Variants in MED24 observed in about 807,000 individuals in gnomAD.
MED24 encodes mediator of RNA polymerase II transcription subunit 24.
Under a neutral mutation model 118.8 loss-of-function variants are expected in MED24, and 74 were observed. The ratio of observed to expected loss-of-function variants is 0.62; its 90% CI spans 0.52 to 0.76. MED24 has a LOEUF of 0.76. MED24 is among the 30% of genes least tolerant of loss of function. The pLI is 0.00. For missense variants in MED24, 1,041 were observed against 1,278.9 expected (o/e 0.81, Z 2.84); for synonymous variants, 521 against 523.9 (o/e 0.99, Z 0.08).
chr17:40,022,005 A>C lies in MED24; in HGVS notation c.2573T>G (p.Met858Arg). The C allele has an allele frequency of 6.2e-7, 1 of 1,611,992 alleles. No homozygotes were observed. Among genetic ancestry groups the C allele is most frequent in the African/African-American group, 1.3e-5 (1 of 74,948 alleles). The change falls in exon 23 of 26, where the codon ATG (methionine) becomes AGG (arginine). Residue 858 changes from methionine (M) to arginine (R), a missense_variant. This residue lies in a region of MED24 where 587 missense variants were observed against 694.4 expected (regional missense o/e 0.85). Coordinates refer to ENST00000394128, the MANE Select transcript of MED24 (RefSeq NM_014815.4). ...PLDDVQPSKL[M>R]RLLSSNEDDA... ...GTCCTCATTAGAGCTCAGCAGTCGCATCAACTTCGAAGGCTGCACATCGTC... is the reference window on the plus strand; with the variant it reads ...GTCCTCATTAGAGCTCAGCAGTCGCCTCAACTTCGAAGGCTGCACATCGTC...
chr17:40,041,317 C>A (rs545751486), intron 3 of MED24, among the ~76,000 whole-genome samples: 1 of 152,274 alleles, frequency 6.6e-6, no homozygotes, highest in Admixed American at 6.5e-5. Flanking sequence ...TACTCTCTGG[C>A]CCCTTCTCTT....
chr17:40,022,965 C>T, intron 20 of MED24, 139 bp from the exon 21 acceptor site: 1 of 1,343,264 alleles, frequency 7.4e-7, no homozygotes, highest in African/African-American at 1.5e-5. Context: ...AGGCTGAATC[C>T]CAGTCTCTGG....
chr17:40,023,273 G>T lies in MED24; in HGVS notation c.2108C>A (p.Pro703His), dbSNP rs780526993. The T allele has an allele frequency of 1.2e-6, 2 of 1,614,010 alleles. No homozygotes were observed. The highest frequency in any genetic ancestry group is 1.3e-5 in the African/African-American group (1 of 74,906). ...CAGCACCTCTTTGATGGGCCGCTTG[G>T]GGGGCAGCAGGTTCCAGTAGGGCAT... ...DTMPYWNLLP[P>H]KRPIKEVLTD... The change falls in exon 20 of 26, where the codon CCC becomes CAC. Residue 703 changes from proline to histidine, a missense_variant. Physicochemically the swap from Pro to His is moderately conservative, Grantham distance 77 (BLOSUM62 -2). Coordinates refer to ENST00000394128, the MANE Select transcript of MED24 (RefSeq NM_014815.4).
intron 18 of MED24, 78 bp downstream of exon 18, chr17:40,026,569 C>T: frequency 1.4e-6 from 2 of 1,380,584 alleles, no homozygotes; most frequent in Non-Finnish European, 2.0e-6. Flanking sequence ...GTCTTCTTGC[C>T]CTTACGAAAT....
intron 3 of MED24, among the ~76,000 whole-genome samples, chr17:40,043,566 T>C (rs1984782365): frequency 6.6e-6 from 1 of 152,100 alleles, no homozygotes; most frequent in Non-Finnish European, 1.5e-5. Flanking sequence ...TACTGGACTT[T>C]TGTCTTCCTT....
rs565457004 is a variant in MED24, at chr17:40,033,605, A to G, written c.560-149T>C. 309 of 724,804 alleles carry G rather than the reference A, an allele frequency of 4.3e-4. 1 individual carries two copies. The African/African-American group carries it at 4.6e-3, about 11-fold the overall frequency. The allele number at this position is 724,804 out of a possible 1,614,324, so 44.9% of individuals were successfully genotyped here. On this transcript the variant is annotated intron_variant, in intron 6 of 25. Transcript: ENST00000394128. The surrounding 1 kb of genome is among the most constrained non-coding windows in gnomAD (Gnocchi z 5.2). ...AGGACAACAGGGAGGGAGGGGCCTG[A>G]GGGCAGCATGCACTGTTTCCAGAAG...
chr17:40,036,992 C>A (rs538109465), intron 3 of MED24, among the ~76,000 whole-genome samples: 133 of 152,136 alleles, frequency 8.7e-4, no homozygotes, highest in African/African-American at 3.0e-3. Context: ...ACTAGCCTGG[C>A]CAACATGGTG....
chr17:40,024,390 C>T (rs971085148), intron 19 of MED24, among the ~76,000 whole-genome samples: 6 of 152,042 alleles, frequency 3.9e-5, no homozygotes, highest in Non-Finnish European at 5.9e-5. Context: ...AAAAATTAGC[C>T]GGGTGTGGTG....
Position 40,019,261 on chromosome 17 carries a change from G to A in MED24, c.*268C>T, listed in dbSNP as rs542835866. On this transcript the variant is annotated 3_prime_UTR_variant, in exon 26 of 26. Coordinates refer to ENST00000394128, the MANE Select transcript of MED24 (RefSeq NM_014815.4). Reference sequence around the variant, plus strand: ...GGTAAGACTACTCCTGGGCTGGGGCGGGCGCACACAGGGGTGACCACTGGG... The same window carrying A: ...GGTAAGACTACTCCTGGGCTGGGGCAGGCGCACACAGGGGTGACCACTGGG... 1.0e-5 allele frequency: 5 copies of A among 484,764 alleles called. No homozygotes were observed. The highest frequency in any genetic ancestry group is 3.5e-5 in the East Asian group (1 of 28,230). The allele number at this position is 484,764 out of a possible 1,614,324, so 30.0% of individuals were successfully genotyped here. A position where few individuals can be genotyped will look rare whatever the true frequency, so the allele number is the denominator to read the frequency against.
Position 40,019,442 on chromosome 17 carries a change from C to A in MED24, c.*87G>T. On this transcript the variant is annotated 3_prime_UTR_variant, in exon 26 of 26. Coordinates refer to ENST00000394128, the MANE Select transcript of MED24 (RefSeq NM_014815.4). ...CACCATGTGGAGCGGATGTGAGGCA[C>A]GATGCCTCATCTTTCCTCACTGCTT... 9.0e-7 allele frequency: 1 copy of A among 1,106,424 alleles called. No homozygotes were observed. Among genetic ancestry groups the A allele is most frequent in the Non-Finnish European group, 1.3e-6 (1 of 744,948 alleles). The allele number at this position is 1,106,424 out of a possible 1,614,324, so 68.5% of individuals were successfully genotyped here.
rs751181302 is a variant in MED24 at position 40,022,493 on chromosome 17, G to A, written c.2433-9C>T. 2.5e-6 allele frequency: 4 copies of A among 1,605,004 alleles called. No homozygotes were observed. The East Asian group carries it at 9.0e-5, about 36-fold the overall frequency. On this transcript the variant is annotated splice_polypyrimidine_tract_variant and intron_variant, in intron 21 of 25. Coordinates refer to ENST00000394128, the MANE Select transcript of MED24 (RefSeq NM_014815.4). The stretch of plus-strand genomic sequence containing the variant: ...CACACCACACGGCCAGCCTGGCAAA[G>A]GGTTCCAGAAAAAGGGGGACAGTGA...
chr17:40,029,167 G>A (rs1184239548), intron 13 of MED24, among the ~76,000 whole-genome samples, 199 bp from the exon 14 acceptor site: 2 of 152,198 alleles, frequency 1.3e-5, no homozygotes, highest in Non-Finnish European at 2.9e-5. Context: ...AGGTGGTAAG[G>A]TTGGAGTGGG....
In MED24 at chr17:40,035,321, C is replaced by A; in HGVS notation, c.355G>T (p.Gly119Ter). 9.4e-6 allele frequency: 15 copies of A among 1,597,838 alleles called. No individual in the cohort carries two copies. The highest frequency in any genetic ancestry group is 1.3e-5 in the Non-Finnish European group (15 of 1,168,370). Residue 119 changes from glycine (G) to a stop codon, truncating the protein, a stop_gained, in exon 6 of 26, where the codon GGA becomes TGA. Coordinates refer to ENST00000394128, the MANE Select transcript of MED24 (RefSeq NM_014815.4). LOFTEE classifies it high-confidence loss of function. ...SCHGKAEECI[G>*]LCRALLSALH... ...GCGCTAAGAAGGGCTCGGCACAGTCCGATGCATTCCTCTGCTTTGCCGTGA... is the reference window on the plus strand; with the variant it reads ...GCGCTAAGAAGGGCTCGGCACAGTCAGATGCATTCCTCTGCTTTGCCGTGA...
At chr17:40,040,656 T>C (rs1194749518) in intron 3 of MED24, among the ~76,000 whole-genome samples, 1 of 151,820 alleles carries the variant, frequency 6.6e-6, no homozygotes, top group Non-Finnish European at 1.5e-5. Context: ...TCTCACTCTG[T>C]TGCCCAGGCT....
rs1377571293 is a variant in MED24 at position 40,019,531 on chromosome 17, A to G, written c.2968T>C (p.Ter990ArgextTer52). Reference sequence around the variant, plus strand: ...CCACTGCGGCCATGCCAAGCCCCTCAGAGTGCAGCAATGGCTTTAGCAGCC... The same window carrying G: ...CCACTGCGGCCATGCCAAGCCCCTCGGAGTGCAGCAATGGCTTTAGCAGCC... ...QVAAKAIAAL* is the reference protein window; with the variant it reads ...QVAAKAIAALR Residue 990 changes from the stop codon to arginine (R), a stop_lost, in exon 26 of 26, where the codon TGA becomes CGA. Transcript: ENST00000394128. The G allele has an allele frequency of 1.2e-6, 2 of 1,611,512 alleles. No individual in the cohort carries two copies. The highest frequency in any genetic ancestry group is 1.3e-5 in the African/African-American group (1 of 74,890).
intron 3 of MED24, among the ~76,000 whole-genome samples, chr17:40,039,449 A>G (rs1449658141): frequency 3.9e-5 from 6 of 152,058 alleles, no homozygotes; most frequent in African/African-American, 1.2e-4. Flanking sequence ...CAACACCCCA[A>G]CTACTCCTAA....
chr17:40,033,145 G>A lies in MED24; in HGVS notation c.733C>T (p.His245Tyr). Residue 245 changes from histidine (H) to tyrosine (Y), a missense_variant, in exon 8 of 26, where the codon CAC (histidine) becomes TAC (tyrosine). Transcript: ENST00000394128. The surrounding 1 kb of genome is among the most constrained non-coding windows in gnomAD (Gnocchi z 5.2). ...QMHKTGFPTV[H>Y]AVILLEGTMN... ...GTGCCCTCGAGCAGGATCACGGCGTGGACAGTGGGGAAGCCGGTCTTGTGC... is the reference window on the plus strand; with the variant it reads ...GTGCCCTCGAGCAGGATCACGGCGTAGACAGTGGGGAAGCCGGTCTTGTGC... 1.2e-6 allele frequency: 2 copies of A among 1,614,126 alleles called. No homozygotes were observed. Among genetic ancestry groups the A allele is most frequent in the Non-Finnish European group, 1.7e-6 (2 of 1,180,040 alleles).
chr17:40,021,932 G>A (rs746455030), intron 23 of MED24, 23 bp downstream of exon 23: 24 of 1,523,154 alleles, frequency 1.6e-5, no homozygotes, highest in South Asian at 6.0e-5. Flanking sequence ...AAGGAGCGGC[G>A]CGCGGCCAGC....
chr17:40,028,788 C>T (rs368425542), intron 14 of MED24, 38 bp downstream of exon 14: 11 of 1,610,464 alleles, frequency 6.8e-6, no homozygotes, highest in Middle Eastern at 2.1e-4. Flanking sequence ...GCGCAGCCTC[C>T]CTGCACGCCC....
Sources: gnomAD v4.1 joint callset for allele counts (sites outside exome capture counted in the v4.1 genomes callset) on GRCh38, gnomAD v4.1.1 for gene constraint, gnomAD v4.1.1 regional missense constraint, Gnocchi (gnomAD v3.1) non-coding constraint, MANE v1.5 for transcripts, NCBI Gene and HGNC (gene_info 2026-07-23, HGNC 2026-07-21) for gene names.